CPA4: variants seen among roughly 807,000 people sequenced by gnomAD.
CPA4 encodes carboxypeptidase A4.
CPA4 carries 49 observed loss-of-function variants against 54.7 expected under a neutral mutation model. That is an observed-to-expected ratio of 0.90 (90% CI 0.71 to 1.14). The LOEUF (loss-of-function observed/expected upper bound fraction) is 1.14. Among genes scored for constraint, CPA4 ranks in the 50% most tolerant of loss-of-function variants. The pLI is 0.00. For missense variants in CPA4, 487 were observed against 525.1 expected (o/e 0.93, Z 0.71); for synonymous variants, 215 against 206.8 (o/e 1.04, Z -0.34).
intron 1 of CPA4, 74 bp from the exon 2 acceptor site, chr7:130,298,672 G>A (rs761104417): frequency 1.3e-4 from 116 of 896,118 alleles, no homozygotes; most frequent in Non-Finnish European, 2.1e-4. Flanking sequence ...GGGATAGGAG[G>A]CTTGGGGGTT....
intron 4 of CPA4, among the ~76,000 whole-genome samples, chr7:130,303,159 T>A (rs1250021338): frequency 6.6e-6 from 1 of 152,256 alleles, no homozygotes; most frequent in East Asian, 1.9e-4. Context: ...GTATAGTTCC[T>A]TCTTCCAGTC....
At chr7:130,319,759 C>T (rs1562933921) in intron 10 of CPA4, among the ~76,000 whole-genome samples, 1 of 152,202 alleles carries the variant, frequency 6.6e-6, no homozygotes, top group African/African-American at 2.4e-5. Flanking sequence ...TGGAGCTGCT[C>T]TCAGAAGAAT....
At chr7:130,296,400 A>G (rs543660079) in intron 1 of CPA4, among the ~76,000 whole-genome samples, 4 of 152,342 alleles carry the variant, frequency 2.6e-5, no homozygotes, top group African/African-American at 9.6e-5. Flanking sequence ...AGTCAGAGAC[A>G]CGGTGTCCCA....
intron 10 of CPA4, among the ~76,000 whole-genome samples, chr7:130,316,582 T>C (rs1294020291): frequency 6.6e-6 from 1 of 152,070 alleles, no homozygotes; most frequent in Non-Finnish European, 1.5e-5. Context: ...GGAAGTAAGG[T>C]GGTGAAACAT....
chr7:130,299,380 C>A lies in CPA4; in HGVS notation c.261C>A (p.Tyr87Ter), dbSNP rs781257477. Residue 87 changes from tyrosine (Y) to a stop codon, truncating the protein, a stop_gained, in exon 3 of 11, where the codon TAC becomes TAA. Coordinates refer to ENST00000222482, the MANE Select transcript of CPA4 (RefSeq NM_016352.4). LOFTEE classifies it high-confidence loss of function. ...TCCTGAGATCCCAGGGCTTAGAGTA[C>A]GCAGTGACAATTGAGGACCTGCAGG... ...KSFLRSQGLE[Y>*]AVTIEDLQAL... is the part of the protein sequence containing the mutation. 8.7e-5 allele frequency: 140 copies of A among 1,613,916 alleles called. No individual in the cohort carries two copies. The highest frequency in any genetic ancestry group is 1.2e-4 in the Non-Finnish European group (136 of 1,179,926).
chr7:130,312,114 C>G lies in CPA4; in HGVS notation c.1070C>G (p.Thr357Ser). 6.2e-7 allele frequency: 1 copy of G among 1,611,666 alleles called. No individual in the cohort carries two copies. The highest frequency in any genetic ancestry group is 8.5e-7 in the Non-Finnish European group (1 of 1,177,776). ...GTEYQVGPTC[T>S]TVYPASGSSI... ...GAGTACCAAGTGGGTCCCACCTGCACCACTGTCTGTAAGTACTCGCTTATT... is the reference window on the plus strand; with the variant it reads ...GAGTACCAAGTGGGTCCCACCTGCAGCACTGTCTGTAAGTACTCGCTTATT... The change falls in exon 10 of 11, where the codon ACC (threonine) becomes AGC (serine). Residue 357 changes from threonine (T) to serine (S), a missense_variant. Thr to Ser is a moderately conservative substitution (Grantham distance 58, BLOSUM62 1). Coordinates refer to ENST00000222482, the MANE Select transcript of CPA4 (RefSeq NM_016352.4).
chr7:130,312,337 A>AT (rs2117154831), intron 10 of CPA4, among the ~76,000 whole-genome samples: 1 of 152,234 alleles, frequency 6.6e-6, no homozygotes, highest in South Asian at 2.1e-4. Flanking sequence ...CCATCCCTTC[A>AT]TTTTCAAGGG....
chr7:130,299,137 C>A lies in CPA4; in HGVS notation c.151-133C>A, dbSNP rs575233863. The A allele has an allele frequency of 4.9e-5, 47 of 949,932 alleles. 1 individual carries two copies. In the African/African-American group the frequency reaches 6.2e-4, roughly 12 times the overall value. The allele number at this position is 949,932 out of a possible 1,614,324, so 58.8% of individuals were successfully genotyped here. ...CAACCAGACACAATTGTGAAATGGG[C>A]AAACTTTGCCCTTGGGCAGAGCCTA... On this transcript the variant is annotated intron_variant, in intron 2 of 10. Transcript: ENST00000222482.
At position 130,310,836 on chromosome 7, in the gene CPA4, C is replaced by T. The variant is rs141450131; in HGVS notation, c.843C>T (p.His281=). The T allele has an allele frequency of 8.9e-5, 144 of 1,614,212 alleles. No individual in the cohort carries two copies. The East Asian group carries it at 9.6e-4, about 11-fold the overall frequency. ...NPCSEVYHGP[H]ANSEVEVKSV... ...GCTCCGAAGTGTACCATGGACCCCA[C>T]GCCAATTCGGAAGTGGAGGTGAAAT... The change falls in exon 9 of 11, where the codon CAC becomes CAT. Residue 281 remains histidine, a synonymous_variant. Transcript: ENST00000222482. The surrounding 1 kb of genome is among the most constrained non-coding windows in gnomAD (Gnocchi z 4.3).
chr7:130,302,800 A>C (rs1793760333), intron 4 of CPA4, among the ~76,000 whole-genome samples: 1 of 152,088 alleles, frequency 6.6e-6, no homozygotes, highest in African/African-American at 2.4e-5. Context: ...CAAATTGCCC[A>C]TTCCTAGCTC....
At chr7:130,313,628 A>G (rs1793946212) in intron 10 of CPA4, among the ~76,000 whole-genome samples, 1 of 151,270 alleles carries the variant, frequency 6.6e-6, no homozygotes, top group African/African-American at 2.4e-5. Flanking sequence ...CCTGCTCCCA[A>G]TCCAAGTATA....
Position 130,310,708 on chromosome 7 carries a change from C to T in CPA4, c.794-79C>T, listed in dbSNP as rs1793897179. 2 of 1,373,152 alleles carry T rather than the reference C, an allele frequency of 1.5e-6. No individual in the cohort carries two copies. The highest frequency in any genetic ancestry group is 3.5e-5 in the Admixed American group (2 of 57,580). The allele number at this position is 1,373,152 out of a possible 1,614,324, so 85.1% of individuals were successfully genotyped here. ...CCTGCCCATTCCCAATACCTTCGGC[C>T]CCTCTCTAGGTGGAGCGTCTTGCAT... On this transcript the variant is annotated intron_variant, in intron 8 of 10. Coordinates refer to ENST00000222482, the MANE Select transcript of CPA4 (RefSeq NM_016352.4). The surrounding 1 kb of genome is among the most constrained non-coding windows in gnomAD (Gnocchi z 4.3).
Position 130,310,986 on chromosome 7 carries a change from C to G in CPA4, c.993C>G (p.Leu331=), listed in dbSNP as rs147568416. Residue 331 remains leucine, a splice_region_variant and synonymous_variant, in exon 9 of 11, where the codon CTC becomes CTG. Transcript: ENST00000222482. This position sits in a 1 kb window ranked among gnomAD's most constrained non-coding sequence, Gnocchi z 4.3. ...AAAAGGCCCCAGATGCCGAGGAACT[C>G]GTGAGTCACAGCTGCCTCCCACCCA... ...SVKKAPDAEE[L]DKVARLAAKA... is the part of the protein sequence containing the mutation. 1 of 1,613,042 alleles carries G rather than the reference C, an allele frequency of 6.2e-7. No individual in the cohort carries two copies. The highest frequency in any genetic ancestry group is 1.3e-5 in the African/African-American group (1 of 74,902).
intron 9 of CPA4, 68 bp from the exon 10 acceptor site, chr7:130,311,970 C>A: frequency 8.8e-7 from 1 of 1,131,542 alleles, no homozygotes; most frequent in Non-Finnish European, 1.3e-6. Context: ...CATCCCAGAG[C>A]AGAGCAGCTG....
In CPA4 at chr7:130,296,679, C is replaced by CT. The variant is rs369325885; in HGVS notation, c.69-2042dup. Among the ~76,000 whole-genome samples, 269 of 72,990 alleles carry CT rather than the reference C, an allele frequency of 3.7e-3. 26 individuals are homozygous for CT. The highest frequency in any genetic ancestry group is 0.012 in the African/African-American group (229 of 18,810). 47.9% of individuals were successfully genotyped at this position (72,990 alleles called of 152,430 possible). ...AAGATCTTTCTAGCAGCTCCCCTCA[C>CT]TTTTTTTTTTTTTTTTTTTTTTTTT... On this transcript the variant is annotated intron_variant, in intron 1 of 10. Coordinates refer to ENST00000222482, the MANE Select transcript of CPA4 (RefSeq NM_016352.4).
chr7:130,294,721 G>A (rs1303580696), intron 1 of CPA4, among the ~76,000 whole-genome samples: 1 of 152,228 alleles, frequency 6.6e-6, no homozygotes, highest in African/African-American at 2.4e-5. Context: ...TGAACTGATA[G>A]TGTCATTCTC....
intron 8 of CPA4, 62 bp downstream of exon 8, chr7:130,308,459 G>A: frequency 7.3e-7 from 1 of 1,365,202 alleles, no homozygotes; most frequent in Non-Finnish European, 1.0e-6. Flanking sequence ...GTCTACCAGT[G>A]CTCTGAGCTG....
intron 10 of CPA4, among the ~76,000 whole-genome samples, chr7:130,312,815 C>G (rs1033281520): frequency 2.0e-5 from 3 of 152,018 alleles, no homozygotes; most frequent in Admixed American, 6.6e-5. Flanking sequence ...GGGAGCTTAT[C>G]GCAGGCTCAG....
intron 3 of CPA4, 171 bp downstream of exon 3, chr7:130,299,575 G>A (rs1433229139): frequency 1.6e-6 from 1 of 614,206 alleles, no homozygotes; most frequent in African/African-American, 1.8e-5. Context: ...ACAACATTTT[G>A]TAGTAGAAAG....
Sources: allele counts gnomAD v4.1 joint callset (sites outside exome capture counted in the v4.1 genomes callset), GRCh38; gene constraint gnomAD v4.1.1; non-coding constraint Gnocchi (gnomAD v3.1); transcripts MANE v1.5; gene names NCBI Gene and HGNC (gene_info 2026-07-23, HGNC 2026-07-21).